Variants in ABLIM1 observed in about 807,000 individuals in gnomAD.
The protein encoded by ABLIM1 is actin-binding LIM protein 1.
Under a neutral mutation model 107.0 loss-of-function variants are expected in ABLIM1, and 40 were observed. The observed-to-expected ratio is 0.37, with a 90% CI of 0.29 to 0.49. The LOEUF (loss-of-function observed/expected upper bound fraction) is 0.49, where lower values mean the gene tolerates loss of function less well. ABLIM1 is among the 20% of genes least tolerant of loss of function. The pLI is 0.97. For synonymous variants in ABLIM1, 357 were observed against 357.3 expected (o/e 1.00, Z 0.01); for missense variants, 857 against 1,008.5 (o/e 0.85, Z 2.04).
chr10:114,448,517 C>T (rs1474618797), intron 14 of ABLIM1, among the ~76,000 whole-genome samples: 2 of 152,194 alleles, frequency 1.3e-5, no homozygotes, highest in African/African-American at 4.8e-5. Flanking sequence ...GACGCTATCA[C>T]TTGACTGTAG....
intron 6 of ABLIM1, among the ~76,000 whole-genome samples, chr10:114,521,486 A>C (rs955861777): frequency 6.6e-5 from 10 of 152,240 alleles, no homozygotes; most frequent in Non-Finnish European, 1.5e-4. Flanking sequence ...AGAGCTTAGC[A>C]AACAGGTGAC....
intron 1 of ABLIM1, among the ~76,000 whole-genome samples, chr10:114,602,447 T>A (rs1172950425): frequency 6.6e-6 from 1 of 152,214 alleles, no homozygotes; most frequent in Non-Finnish European, 1.5e-5. Context: ...AGCAGAATGT[T>A]CATGTAGCAA....
chr10:114,777,092 C>A, the ABLIM1 span, among the ~76,000 whole-genome samples: 1 of 152,066 alleles, frequency 6.6e-6, no homozygotes, highest in Non-Finnish European at 1.5e-5. Context: ...CTTGTCTATG[C>A]CCCACATGTC....
At chr10:114,659,355 A>G (rs192415673), upstream of ABLIM1, among the ~76,000 whole-genome samples, 96 of 151,944 alleles carry the variant, frequency 6.3e-4, 3 homozygotes, top group East Asian at 0.017. Context: ...AAAAAAAAAA[A>G]AAAATTAAAA....
intron 1 of ABLIM1, among the ~76,000 whole-genome samples, chr10:114,750,587 T>C (rs965917072): frequency 5.3e-5 from 8 of 152,230 alleles, no homozygotes; most frequent in African/African-American, 9.6e-5. Context: ...ATTTTAAAAG[T>C]ATATTACATA....
the ABLIM1 span, among the ~76,000 whole-genome samples, chr10:114,780,531 C>G: frequency 5.5e-4 from 84 of 152,256 alleles, no homozygotes; most frequent in African/African-American, 1.9e-3. Context: ...CCGGGTAAAA[C>G]TGGCCTGTTT....
chr10:114,549,151 G>C (rs531572000), intron 4 of ABLIM1, among the ~76,000 whole-genome samples: 2 of 152,276 alleles, frequency 1.3e-5, no homozygotes, highest in Admixed American at 1.3e-4. Context: ...TTGGGAGGCC[G>C]AGGCGGATGG....
At position 114,621,496 on chromosome 10, in the gene ABLIM1, G is replaced by A. The variant is rs529916769; in HGVS notation, c.245-19535C>T. 2.0e-5 allele frequency among the ~76,000 whole-genome samples: 3 copies of A among 152,286 alleles called. No homozygotes were observed. The South Asian group carries it at 6.2e-4, about 32-fold the overall frequency. The stretch of plus-strand genomic sequence containing the variant: ...TTCACTGAGTGCTTACTATGGAGCA[G>A]ACACTGTGTAATGAATATAGGTTGA... On this transcript the variant is annotated intron_variant, in intron 1 of 22. Coordinates refer to ENST00000533213, the MANE Select transcript of ABLIM1 (RefSeq NM_002313.7).
chr10:114,732,720 T>C (rs1476101610), intron 1 of ABLIM1, among the ~76,000 whole-genome samples: 1 of 152,188 alleles, frequency 6.6e-6, no homozygotes, highest in African/African-American at 2.4e-5. Context: ...TACATCATTA[T>C]AAACTGCCTT....
intron 1 of ABLIM1, among the ~76,000 whole-genome samples, chr10:114,704,895 A>C (rs1302775746): frequency 6.6e-6 from 1 of 152,236 alleles, no homozygotes; most frequent in Admixed American, 6.5e-5. Context: ...CATCAGCTTA[A>C]GGAGAAAGAC....
chr10:114,689,548 G>A (rs1329902009), upstream of ABLIM1, among the ~76,000 whole-genome samples: 2 of 151,674 alleles, frequency 1.3e-5, no homozygotes, highest in African/African-American at 2.4e-5. Flanking sequence ...TTTTATTAGC[G>A]ACGGGGTTTC....
At chr10:114,751,548 G>C (rs564474331) in intron 1 of ABLIM1, among the ~76,000 whole-genome samples, 5 of 152,010 alleles carry the variant, frequency 3.3e-5, no homozygotes, top group African/African-American at 1.2e-4. Flanking sequence ...CCAAGAGATT[G>C]AGACCATCCT....
chr10:114,433,418 T>C lies in ABLIM1; in HGVS notation c.*2842A>G, dbSNP rs2059056648. ...CCAGCTGGAGCCTTTTGCTGGGAAA[T>C]GGAGTAGGGGGCCCACTCTGCATTA... On this transcript the variant is annotated 3_prime_UTR_variant, in exon 23 of 23. Transcript: ENST00000533213. The C allele has an allele frequency of 1.3e-5, 2 of 152,172 alleles. No individual in the cohort carries two copies. Among genetic ancestry groups the C allele is most frequent in the Non-Finnish European group, 2.9e-5 (2 of 68,040 alleles). 9.4% of individuals were successfully genotyped at this position (152,172 alleles called of 1,614,324 possible).
At chr10:114,479,712 G>A (rs531977347) in intron 8 of ABLIM1, among the ~76,000 whole-genome samples, 6 of 152,164 alleles carry the variant, frequency 3.9e-5, no homozygotes, top group East Asian at 1.9e-4. Context: ...GCTCAACTGC[G>A]GGAGGTTAGA....
At position 114,432,230 on chromosome 10, in the gene ABLIM1, AG is replaced by A. The variant is rs1425614039; in HGVS notation, c.*4029del. 25 of 152,246 alleles carry A rather than the reference AG, an allele frequency of 1.6e-4. No homozygotes were observed. Among genetic ancestry groups the A allele is most frequent in the African/African-American group, 5.8e-4 (24 of 41,466 alleles). The allele number at this position is 152,246 out of a possible 1,614,324, so 9.4% of individuals were successfully genotyped here. ...AATCAAATAAAATTGAGGCTGGCATAGGAAGTACAGATTAAATACAGGTTAA... is the reference window on the plus strand; with the variant it reads ...AATCAAATAAAATTGAGGCTGGCATAGAAGTACAGATTAAATACAGGTTAA... On this transcript the variant is annotated 3_prime_UTR_variant, in exon 23 of 23. Coordinates refer to ENST00000533213, the MANE Select transcript of ABLIM1 (RefSeq NM_002313.7).
At chr10:114,729,444 T>C (rs920379926) in intron 1 of ABLIM1, among the ~76,000 whole-genome samples, 6 of 152,042 alleles carry the variant, frequency 3.9e-5, no homozygotes, top group Non-Finnish European at 5.9e-5. Context: ...ATCTCTAGTA[T>C]AAAAATACCC....
At position 114,605,039 on chromosome 10, in the gene ABLIM1, G is replaced by T. The variant is rs937875619; in HGVS notation, c.245-3078C>A. Among the ~76,000 whole-genome samples, 2 of 152,154 alleles carry T rather than the reference G, an allele frequency of 1.3e-5. 1 individual carries two copies. The highest frequency in any genetic ancestry group is 4.1e-4 in the South Asian group (2 of 4,826). On this transcript the variant is annotated intron_variant, in intron 1 of 22. Transcript: ENST00000533213. Reference sequence around the variant, plus strand: ...CCCATGCCCAGAGATGACTTGCTTTGCCTTCACCCACAGACTAGACTGTGT... The same window carrying T: ...CCCATGCCCAGAGATGACTTGCTTTTCCTTCACCCACAGACTAGACTGTGT...
chr10:114,578,267 A>G (rs1238251551), intron 2 of ABLIM1, among the ~76,000 whole-genome samples: 1 of 152,158 alleles, frequency 6.6e-6, no homozygotes, highest in Non-Finnish European at 1.5e-5. Flanking sequence ...CAAACCCAGC[A>G]TTTTCCAAAC....
chr10:114,555,340 T>C (rs2068586178), intron 4 of ABLIM1, among the ~76,000 whole-genome samples: 1 of 152,186 alleles, frequency 6.6e-6, no homozygotes, highest in Admixed American at 6.5e-5. Flanking sequence ...AAATGCTTCA[T>C]TTTACACACC....
Sources: allele counts gnomAD v4.1 joint callset (sites outside exome capture counted in the v4.1 genomes callset), GRCh38; gene constraint gnomAD v4.1.1; transcripts MANE v1.5; gene names NCBI Gene and HGNC (gene_info 2026-07-23, HGNC 2026-07-21).